The following APBB1 variants were observed in gnomAD, a reference collection of about 807,000 sequenced individuals.
APBB1 encodes the protein amyloid beta precursor protein binding family B member 1, also known as adaptor protein FE65a2.
A neutral mutation model predicts 78.4 loss-of-function variants in APBB1; 22 were observed. That is an observed-to-expected ratio of 0.28 (90% confidence interval 0.20 to 0.40). The LOEUF (loss-of-function observed/expected upper bound fraction) is 0.40. APBB1 is among the 10% of genes least tolerant of loss of function. The pLI, the probability that APBB1 is intolerant of heterozygous loss-of-function variation, is 1.00. For synonymous variants in APBB1, 369 were observed against 372.7 expected (o/e 0.99, Z 0.12); for missense variants, 749 against 932.4 (o/e 0.80, Z 2.56).
chr11:6,410,395 A>G lies in APBB1; in HGVS notation c.721+232T>C, dbSNP rs757549733. 2.6e-5 allele frequency among the ~76,000 whole-genome samples: 4 copies of G among 152,214 alleles called. No homozygotes were observed. In the South Asian group the frequency reaches 6.2e-4, roughly 24 times the overall value. Reference sequence around the variant, plus strand: ...CAGTGCCCAGTAAACTAGTCCACTTATCAACCATGGTGGCATGCATAATGA... The same window carrying G: ...CAGTGCCCAGTAAACTAGTCCACTTGTCAACCATGGTGGCATGCATAATGA... On this transcript the variant is annotated intron_variant, in intron 2 of 14. Coordinates refer to ENST00000609360, the MANE Select transcript of APBB1 (RefSeq NM_001164.5).
intron 2 of APBB1, among the ~76,000 whole-genome samples, chr11:6,408,179 A>G (rs1242407867): frequency 6.6e-6 from 1 of 152,210 alleles, no homozygotes; most frequent in Non-Finnish European, 1.5e-5. Context: ...CTAACTACCA[A>G]TTTACAGGAA....
chr11:6,405,964 G>C (rs552978795), intron 2 of APBB1, among the ~76,000 whole-genome samples: 1 of 152,186 alleles, frequency 6.6e-6, no homozygotes, highest in Non-Finnish European at 1.5e-5. Context: ...CTGGGGACCA[G>C]TTCACCATCT....
intron 12 of APBB1, among the ~76,000 whole-genome samples, chr11:6,398,182 C>T (rs762860177): frequency 2.6e-5 from 4 of 152,062 alleles, no homozygotes; most frequent in Non-Finnish European, 5.9e-5. Flanking sequence ...GACCTCCAGC[C>T]CCACATGCAA....
At chr11:6,405,969 C>A (rs773276750) in intron 2 of APBB1, among the ~76,000 whole-genome samples, 1 of 152,172 alleles carries the variant, frequency 6.6e-6, no homozygotes, top group East Asian at 1.9e-4. Context: ...GACCAGTTCA[C>A]CATCTCCTGA....
At chr11:6,408,323 A>T (rs1409404283) in intron 2 of APBB1, among the ~76,000 whole-genome samples, 2 of 151,962 alleles carry the variant, frequency 1.3e-5, no homozygotes, top group Middle Eastern at 3.2e-3. Flanking sequence ...AACAACAACG[A>T]AAAAAATAGA....
chr11:6,412,985 C>G (rs924656240), intron 1 of APBB1, among the ~76,000 whole-genome samples: 1 of 152,096 alleles, frequency 6.6e-6, no homozygotes, highest in East Asian at 1.9e-4. Flanking sequence ...TCCCAACTAT[C>G]CTTCCAGCCC....
chr11:6,415,591 A>G (rs1377813985), intron 1 of APBB1, among the ~76,000 whole-genome samples: 1 of 152,208 alleles, frequency 6.6e-6, no homozygotes, highest in Non-Finnish European at 1.5e-5. Context: ...CCAAGACATC[A>G]GCAAAGGCCT....
At chr11:6,415,936 C>T (rs1849106465) in intron 1 of APBB1, among the ~76,000 whole-genome samples, 1 of 152,166 alleles carries the variant, frequency 6.6e-6, no homozygotes, top group South Asian at 2.1e-4. Context: ...CTTTCCTCCC[C>T]CATACAGGCA....
At chr11:6,413,070 T>A (rs539173491) in intron 1 of APBB1, among the ~76,000 whole-genome samples, 4 of 152,034 alleles carry the variant, frequency 2.6e-5, no homozygotes, top group African/African-American at 7.2e-5. Flanking sequence ...TCTGCTGCTC[T>A]CCTTCCCGGA....
chr11:6,409,741 T>C (rs962082630), intron 2 of APBB1, among the ~76,000 whole-genome samples: 2 of 147,222 alleles, frequency 1.4e-5, no homozygotes, highest in Non-Finnish European at 2.9e-5. Context: ...TATAGCCCAT[T>C]ATCTCCACTC....
chr11:6,396,691 C>G (rs1223385437), intron 12 of APBB1: 1 of 159,978 alleles, frequency 6.3e-6, no homozygotes, highest in Admixed American at 6.5e-5. Context: ...CAGTGTATTA[C>G]CTCATTTGTG....
Position 6,404,564 on chromosome 11 carries a change from G to A in APBB1, c.722-742C>T. On this transcript the variant is annotated intron_variant, in intron 2 of 14. Coordinates refer to ENST00000609360, the MANE Select transcript of APBB1 (RefSeq NM_001164.5). ...AGACGCTCACTTCCTGACCCTTGCT[G>A]CACACAGATGCAAGCAAACATGTCA... The A allele has an allele frequency of 6.5e-6, 10 of 1,532,330 alleles. No homozygotes were observed. In the South Asian group the frequency reaches 1.2e-4, roughly 18 times the overall value. 94.9% of individuals were successfully genotyped at this position (1,532,330 alleles called of 1,614,324 possible). A position where few individuals can be genotyped will look rare whatever the true frequency, so the allele number is the denominator to read the frequency against.
Position 6,405,744 on chromosome 11 carries a change from C to G in APBB1, c.722-1922G>C, listed in dbSNP as rs1056232552. 5 of 924,598 alleles carry G rather than the reference C, an allele frequency of 5.4e-6. No homozygotes were observed. The African/African-American group carries it at 7.2e-5, about 13-fold the overall frequency. The allele number at this position is 924,598 out of a possible 1,614,324, so 57.3% of individuals were successfully genotyped here. ...AGCCATCACCGCCTCTCCTCACCCC[C>G]ACTTCCCCCTAACTCACACTCTATG... On this transcript the variant is annotated intron_variant, in intron 2 of 14. Transcript: ENST00000609360.
In APBB1 at chr11:6,403,762, C is replaced by T; in HGVS notation, c.782G>A (p.Arg261Lys). ...ATAGGTCCCTGAGGTGTCCTGGACC[C>T]TCATCCATCCAGCCGGCAGGTCGGA... ...TDSDLPAGWM[R>K]VQDTSGTYYW... The change falls in exon 3 of 15, where the codon AGG (arginine) becomes AAG (lysine). Residue 261 changes from arginine to lysine, a missense_variant. This residue lies in a region of APBB1 where 635 missense variants were observed against 765.0 expected (regional missense o/e 0.83). Transcript: ENST00000609360. This position sits in a 1 kb window ranked among gnomAD's most constrained non-coding sequence, Gnocchi z 5.3. 6.3e-7 allele frequency: 1 copy of T among 1,594,890 alleles called. No homozygotes were observed. Among genetic ancestry groups the T allele is most frequent in the South Asian group, 1.1e-5 (1 of 89,874 alleles).
chr11:6,414,984 C>T (rs1274835721), intron 1 of APBB1, among the ~76,000 whole-genome samples: 3 of 152,160 alleles, frequency 2.0e-5, no homozygotes, highest in Non-Finnish European at 1.5e-5. Context: ...AGGGCAGCCC[C>T]GCCAATCTGG....
rs906073394 is a variant in APBB1, at chr11:6,395,968, T to C, written c.1789-6A>G. ...TCTCCCAGCACTGCCTCTGTCTGCA[T>C]GGAGGGAACTCAGTTAAAAAGGAAC... On this transcript the variant is annotated splice_polypyrimidine_tract_variant and splice_region_variant and intron_variant, in intron 13 of 14. Coordinates refer to ENST00000609360, the MANE Select transcript of APBB1 (RefSeq NM_001164.5). The surrounding 1 kb of genome is among the most constrained non-coding windows in gnomAD (Gnocchi z 5.2). 3.7e-6 allele frequency: 6 copies of C among 1,613,168 alleles called. No individual in the cohort carries two copies. In the African/African-American group the frequency reaches 8.0e-5, roughly 22 times the overall value.
At chr11:6,404,141 T>A in intron 2 of APBB1, 1 of 361,060 alleles carries the variant, frequency 2.8e-6, no homozygotes, top group Non-Finnish European at 5.0e-6. Context: ...CTTTCATACA[T>A]ATCTATTATC....
chr11:6,411,200 G>A lies in APBB1; in HGVS notation c.148C>T (p.Leu50=). The change falls in exon 2 of 15, where the codon CTG becomes TTG. Residue 50 remains leucine (L), a synonymous_variant. Coordinates refer to ENST00000609360, the MANE Select transcript of APBB1 (RefSeq NM_001164.5). This position sits in a 1 kb window ranked among gnomAD's most constrained non-coding sequence, Gnocchi z 5.2. Reference sequence around the variant, plus strand: ...CCACCCTCCCCCATGGCGCTGCGCAGGTCCTTGGGTCCCACAGCTGTGGCC... The same window carrying A: ...CCACCCTCCCCCATGGCGCTGCGCAAGTCCTTGGGTCCCACAGCTGTGGCC... ...LQATAVGPKD[L]RSAMGEGGGP... is the part of the protein sequence containing the mutation. The A allele has an allele frequency of 6.2e-7, 1 of 1,607,618 alleles. No individual in the cohort carries two copies. The highest frequency in any genetic ancestry group is 1.3e-5 in the African/African-American group (1 of 75,020).
intron 12 of APBB1, chr11:6,396,426 T>G: frequency 3.7e-6 from 2 of 538,072 alleles, no homozygotes; most frequent in East Asian, 3.3e-5. Context: ...CTTTTTAAAA[T>G]CTTGGATCCT....
Sources: allele counts gnomAD v4.1 joint callset (sites outside exome capture counted in the v4.1 genomes callset), GRCh38; gene constraint gnomAD v4.1.1; regional missense constraint gnomAD v4.1.1; non-coding constraint Gnocchi (gnomAD v3.1); transcripts MANE v1.5; gene names NCBI Gene and HGNC (gene_info 2026-07-23, HGNC 2026-07-21).